Variants in PDRG1 observed in about 807,000 individuals in gnomAD.
PDRG1 encodes the protein p53 and DNA damage-regulated protein 1.
PDRG1 carries 14 observed loss-of-function variants against 18.4 expected under a neutral mutation model. The ratio of observed to expected loss-of-function variants is 0.76; its 90% CI spans 0.50 to 1.19. PDRG1 has a LOEUF of 1.19. Among genes scored for constraint, PDRG1 ranks in the 50% most tolerant of loss-of-function variants. The pLI is 0.00. For synonymous variants in PDRG1, 65 were observed against 60.9 expected (o/e 1.07, Z -0.31); for missense variants, 177 against 160.1 (o/e 1.11, Z -0.57).
chr20:31,945,767 C>A lies in PDRG1; in HGVS notation c.*40G>T. ...TTGGAGGGTCCTGGGTCCTCCATGA[C>A]CCTGGGGGGTTGCTGGTCCCCCATC... On this transcript the variant is annotated 3_prime_UTR_variant, in exon 5 of 5. Transcript: ENST00000202017. 6.4e-7 allele frequency: 1 copy of A among 1,552,850 alleles called. No individual in the cohort carries two copies.
chr20:31,950,996 C>T (rs2064348131), intron 1 of PDRG1, among the ~76,000 whole-genome samples: 1 of 152,174 alleles, frequency 6.6e-6, no homozygotes, highest in Non-Finnish European at 1.5e-5. Flanking sequence ...CAGTACCTAC[C>T]TTACAGGTTA....
intron 3 of PDRG1, 93 bp downstream of exon 3, chr20:31,948,715 T>TA: frequency 3.3e-6 from 4 of 1,197,438 alleles, no homozygotes; most frequent in Non-Finnish European, 4.8e-6. Context: ...TGCCTCTCCT[T>TA]ACGCTGCCTG....
intron 1 of PDRG1, 143 bp downstream of exon 1, chr20:31,951,728 GCTCA>G (rs2064353739): frequency 2.6e-6 from 2 of 761,598 alleles, no homozygotes; most frequent in Admixed American, 3.5e-5. Context: ...TAGCGCAGGC[GCTCA>G]CTTAGTAGCG....
At position 31,945,077 on chromosome 20, in the gene PDRG1, G is replaced by A. The variant is rs2064301398; in HGVS notation, c.*730C>T. On this transcript the variant is annotated 3_prime_UTR_variant, in exon 5 of 5. Transcript: ENST00000202017. ...AGGCAGACAGTAACGAGCAGTGCTG[G>A]CCGGGCCCCACTTTCAGAGGGGGCG... 6.6e-6 allele frequency: 1 copy of A among 152,268 alleles called. No individual in the cohort carries two copies. The allele number at this position is 152,268 out of a possible 1,614,324, so 9.4% of individuals were successfully genotyped here.
chr20:31,946,661 G>T, intron 3 of PDRG1, 85 bp from the exon 4 acceptor site: 2 of 1,195,340 alleles, frequency 1.7e-6, no homozygotes, highest in Non-Finnish European at 2.5e-6. Flanking sequence ...CCTCTCCCCA[G>T]CAAGGGCGTG....
At chr20:31,950,237 A>G (rs1229653704) in intron 2 of PDRG1, 75 bp downstream of exon 2, 1 of 1,162,338 alleles carries the variant, frequency 8.6e-7, no homozygotes, top group Non-Finnish European at 1.3e-6. Context: ...CCTGATCTCT[A>G]TCAGGAACAA....
rs1221059960 is a variant in PDRG1 at position 31,945,827 on chromosome 20, T to G, written c.382A>C (p.Lys128Gln). 1 of 1,614,008 alleles carries G rather than the reference T, an allele frequency of 6.2e-7. No individual in the cohort carries two copies. The highest frequency in any genetic ancestry group is 1.1e-5 in the South Asian group (1 of 91,062). The change falls in exon 5 of 5, where the codon AAG (lysine) becomes CAG (glutamine). Residue 128 changes from lysine to glutamine, a missense_variant. By Grantham distance (53) the Lys-to-Gln change is moderately conservative. Coordinates refer to ENST00000202017, the MANE Select transcript of PDRG1 (RefSeq NM_030815.3). ...GAGTCTCATCCTTTCAAGATGACCT[T>G]GAGAGCTTTAAGCTCATCCTGGTTG... is the stretch of plus-strand genomic sequence containing the variant. ...PLNQDELKAL[K>Q]VILKG is the part of the protein sequence containing the mutation.
At chr20:31,947,664 G>C (rs186617250) in intron 3 of PDRG1, among the ~76,000 whole-genome samples, 1 of 152,296 alleles carries the variant, frequency 6.6e-6, no homozygotes, top group East Asian at 1.9e-4. Flanking sequence ...AGGCCAAGGT[G>C]GGTGGATCAC....
chr20:31,950,464 A>C, intron 1 of PDRG1, 77 bp from the exon 2 acceptor site: 2 of 1,079,128 alleles, frequency 1.9e-6, no homozygotes, highest in Non-Finnish European at 2.9e-6. Flanking sequence ...CAAGGGTTGC[A>C]GAGGCAATGC....
At chr20:31,951,238 T>C (rs1383871683) in intron 1 of PDRG1, among the ~76,000 whole-genome samples, 1 of 152,046 alleles carries the variant, frequency 6.6e-6, no homozygotes, top group African/African-American at 2.4e-5. Flanking sequence ...GTCTCCAAAA[T>C]ACATTTCTGA....
At chr20:31,948,509 A>G (rs1688100035) in intron 3 of PDRG1, among the ~76,000 whole-genome samples, 1 of 152,228 alleles carries the variant, frequency 6.6e-6, no homozygotes, top group South Asian at 2.1e-4. Flanking sequence ...TTAAGCCTCA[A>G]TTTGTTGGGT....
Position 31,945,701 on chromosome 20 carries a change from G to A in PDRG1, c.*106C>T. On this transcript the variant is annotated 3_prime_UTR_variant, in exon 5 of 5. Transcript: ENST00000202017. Reference sequence around the variant, plus strand: ...TTTCATGGCCAGATTCCTGACGGCTGGCCCCTTACAGGGCAGATCCTGTCC... The same window carrying A: ...TTTCATGGCCAGATTCCTGACGGCTAGCCCCTTACAGGGCAGATCCTGTCC... 1.2e-6 allele frequency: 1 copy of A among 844,354 alleles called. No homozygotes were observed. Among genetic ancestry groups the A allele is most frequent in the Non-Finnish European group, 1.8e-6 (1 of 545,032 alleles). 52.3% of individuals were successfully genotyped at this position (844,354 alleles called of 1,614,324 possible).
chr20:31,946,588 AG>A lies in PDRG1; in HGVS notation c.239-13del, dbSNP rs756169050. 34 of 1,598,492 alleles carry A rather than the reference AG, an allele frequency of 2.1e-5. No individual in the cohort carries two copies. Among genetic ancestry groups the A allele is most frequent in the Non-Finnish European group, 2.8e-5 (33 of 1,166,358 alleles). On this transcript the variant is annotated splice_polypyrimidine_tract_variant and intron_variant, in intron 3 of 4. Coordinates refer to ENST00000202017, the MANE Select transcript of PDRG1 (RefSeq NM_030815.3). ...CAGATGATCTTGATCTGAAAAAATG[AG>A]GGGGGCAAGCAGAGGATAAGATTGT...
chr20:31,948,942 G>A, intron 2 of PDRG1, 60 bp from the exon 3 acceptor site: 1 of 1,510,744 alleles, frequency 6.6e-7, no homozygotes, highest in Non-Finnish European at 9.2e-7. Flanking sequence ...TTATCTGCCA[G>A]GCATTGTTTT....
In PDRG1 at chr20:31,945,561, C is replaced by CTCTG; in HGVS notation, c.*245_*246insCAGA. 2.4e-6 allele frequency: 1 copy of CTCTG among 425,024 alleles called. No individual in the cohort carries two copies. The allele number at this position is 425,024 out of a possible 1,614,324, so 26.3% of individuals were successfully genotyped here. ...TGCCCCACACACCCACTGGTGGCTA[C>CTCTG]CAAGGCCCGTCAATAGATCTTGTGT... On this transcript the variant is annotated 3_prime_UTR_variant, in exon 5 of 5. Transcript: ENST00000202017.
intron 3 of PDRG1, among the ~76,000 whole-genome samples, 166 bp from the exon 4 acceptor site, chr20:31,946,742 C>G (rs1267673590): frequency 1.3e-5 from 2 of 152,188 alleles, no homozygotes; most frequent in African/African-American, 4.8e-5. Flanking sequence ...AGGGACATGA[C>G]CTGCTCAGGA....
chr20:31,951,901 C>G lies in PDRG1; in HGVS notation c.61G>C (p.Glu21Gln). The change falls in exon 1 of 5, where the codon GAG becomes CAG. Residue 21 changes from glutamate (E) to glutamine (Q), a missense_variant. Physicochemically the swap from Glu to Gln is conservative, Grantham distance 29. Coordinates refer to ENST00000202017, the MANE Select transcript of PDRG1 (RefSeq NM_030815.3). ...RYLVEVEELA[E>Q]EVLADKRQIV... is the part of the protein sequence containing the mutation. ...TGCCGCTTGTCCGCCAGCACCTCCTCGGCGAGCTCCTCCACTTCTACAAGG... is the reference window on the plus strand; with the variant it reads ...TGCCGCTTGTCCGCCAGCACCTCCTGGGCGAGCTCCTCCACTTCTACAAGG... 2 of 1,589,898 alleles carry G rather than the reference C, an allele frequency of 1.3e-6. No homozygotes were observed. Among genetic ancestry groups the G allele is most frequent in the Non-Finnish European group, 1.7e-6 (2 of 1,169,244 alleles).
At chr20:31,947,071 C>G (rs2064324099) in intron 3 of PDRG1, among the ~76,000 whole-genome samples, 1 of 152,226 alleles carries the variant, frequency 6.6e-6, no homozygotes, top group African/African-American at 2.4e-5. Flanking sequence ...AATGCTCAAG[C>G]TTAACTTAAT....
intron 4 of PDRG1, 30 bp downstream of exon 4, chr20:31,946,463 CCTT>C (rs2064319702): frequency 7.8e-6 from 12 of 1,543,466 alleles, no homozygotes; most frequent in Non-Finnish European, 1.1e-5. Flanking sequence ...GATTCCCTCC[CCTT>C]CTTATCTCCA....
Sources: gnomAD v4.1 joint callset for allele counts (sites outside exome capture counted in the v4.1 genomes callset) on GRCh38, gnomAD v4.1.1 for gene constraint, MANE v1.5 for transcripts, NCBI Gene and HGNC (gene_info 2026-07-23, HGNC 2026-07-21) for gene names.